Variants in FRY observed in about 807,000 individuals in gnomAD.
FRY encodes FRY microtubule binding protein.
Under a neutral mutation model 348.4 loss-of-function variants are expected in FRY, and 128 were observed. That is an observed-to-expected ratio of 0.37 (90% confidence interval 0.32 to 0.43). The LOEUF is 0.43. Ranked by LOEUF, FRY falls within the 20% of genes least tolerant of loss-of-function variation. The pLI, the probability that FRY is intolerant of heterozygous loss-of-function variation, is 1.00. For missense variants in FRY, 2,736 were observed against 3,695.2 expected, an observed-to-expected ratio of 0.74 and a Z score of 6.73; for synonymous variants, 1,370 against 1,374.7, an observed-to-expected ratio of 1.00 and a Z score of 0.08.
chr13:32,239,598 C>A lies in FRY; in HGVS notation c.6517-113C>A. ...CAAGCTAAGTATTTCCTGTAATTAC[C>A]AAAAAGTGTATCAATCTACTTTCCA... is the stretch of plus-strand genomic sequence containing the variant. On this transcript the variant is annotated intron_variant, in intron 45 of 60. Coordinates refer to ENST00000542859, the MANE Select transcript of FRY (RefSeq NM_023037.3). This position sits in a 1 kb window ranked among gnomAD's most constrained non-coding sequence, Gnocchi z 4.3. 1 of 790,682 alleles carries A rather than the reference C, an allele frequency of 1.3e-6. No individual in the cohort carries two copies. Among genetic ancestry groups the A allele is most frequent in the East Asian group, 2.6e-5 (1 of 37,780 alleles). 49.0% of individuals were successfully genotyped at this position (790,682 alleles called of 1,614,324 possible).
chr13:32,127,876 C>T (rs1278956136), intron 7 of FRY, among the ~76,000 whole-genome samples: 1 of 152,064 alleles, frequency 6.6e-6, no homozygotes, highest in Non-Finnish European at 1.5e-5. Context: ...GTGAATTATG[C>T]AAATAACTTC....
intron 11 of FRY, among the ~76,000 whole-genome samples, chr13:32,142,882 A>G (rs1880165656): frequency 6.6e-6 from 1 of 152,204 alleles, no homozygotes; most frequent in African/African-American, 2.4e-5. Flanking sequence ...GAAACATTCA[A>G]GTAAAGGATG....
At chr13:32,260,746 G>A (rs1442397203) in intron 51 of FRY, among the ~76,000 whole-genome samples, 1 of 151,846 alleles carries the variant, frequency 6.6e-6, no homozygotes, top group Non-Finnish European at 1.5e-5. Flanking sequence ...ATGGAACCCA[G>A]AAGGTGGAGG....
intron 21 of FRY, 108 bp downstream of exon 21, chr13:32,178,544 C>T (rs1882506599): frequency 1.6e-6 from 2 of 1,226,162 alleles, no homozygotes; most frequent in Non-Finnish European, 2.3e-6. Flanking sequence ...TTCTGAACTT[C>T]CTACTAGAGA....
In FRY at chr13:32,209,750, T is replaced by C; in HGVS notation, c.4422+19T>C. ...ACCCTATGTAAGTGTCTCTCAGCCC[T>C]TCAAGAGTGATTATTCCTGCAGGGA... On this transcript the variant is annotated intron_variant, in intron 33 of 60. Coordinates refer to ENST00000542859, the MANE Select transcript of FRY (RefSeq NM_023037.3). The C allele has an allele frequency of 6.2e-7, 1 of 1,613,188 alleles. No individual in the cohort carries two copies.
intron 50 of FRY, among the ~76,000 whole-genome samples, chr13:32,252,864 G>A (rs1269728082): frequency 6.6e-6 from 1 of 152,036 alleles, no homozygotes; most frequent in Non-Finnish European, 1.5e-5. Context: ...CTTTTTTGGT[G>A]TTATTGATCA....
Position 32,185,158 on chromosome 13 carries a change from T to C in FRY, c.3319+10T>C. The C allele has an allele frequency of 6.2e-7, 1 of 1,612,336 alleles. No homozygotes were observed. The highest frequency in any genetic ancestry group is 8.5e-7 in the Non-Finnish European group (1 of 1,178,450). ...ATTCAGTGTGTTCCAGGTACGGTGA[T>C]CCGTTACAAGAAATTACCATTCATG... On this transcript the variant is annotated intron_variant, in intron 26 of 60. Transcript: ENST00000542859.
intron 51 of FRY, among the ~76,000 whole-genome samples, chr13:32,257,393 A>T (rs148580541): frequency 2.0e-5 from 3 of 152,258 alleles, no homozygotes; most frequent in Admixed American, 6.5e-5. Flanking sequence ...TCATTTTGTC[A>T]TATCTATTCC....
intron 14 of FRY, among the ~76,000 whole-genome samples, chr13:32,155,135 A>G (rs916843791): frequency 4.6e-5 from 7 of 152,126 alleles, no homozygotes; most frequent in African/African-American, 1.7e-4. Flanking sequence ...CCCTTCTTCC[A>G]GGAGACGTAT....
In FRY at chr13:32,295,437, A is replaced by G. The variant is rs375402563; in HGVS notation, c.9019A>G (p.Ser3007Gly). ...RVLTTFLPDS[S>G]VSGTSL ...CCTCACTACTTTTCTTCCAGACTCC[A>G]GTGTTTCTGGCACTAGTCTCTGACA... The change falls in exon 61 of 61, where the codon AGT becomes GGT. Residue 3007 changes from serine to glycine, a missense_variant. By Grantham distance (56) the Ser-to-Gly change is moderately conservative (BLOSUM62 0). Transcript: ENST00000542859. 7.4e-6 allele frequency: 12 copies of G among 1,611,490 alleles called. No homozygotes were observed. The highest frequency in any genetic ancestry group is 1.0e-5 in the Non-Finnish European group (12 of 1,179,978).
chr13:32,244,256 C>CA, intron 47 of FRY, 74 bp downstream of exon 47: 1 of 1,386,102 alleles, frequency 7.2e-7, no homozygotes, highest in Non-Finnish European at 1.0e-6. Context: ...AGCTTGGCTA[C>CA]AAAACCATCT....
At chr13:32,083,157 T>C (rs1875610636) in intron 2 of FRY, among the ~76,000 whole-genome samples, 1 of 152,204 alleles carries the variant, frequency 6.6e-6, no homozygotes, top group African/African-American at 2.4e-5. Flanking sequence ...TTCTGCATTC[T>C]GAGTAGTTTT....
rs190966921 is a variant in FRY at position 32,208,692 on chromosome 13, C to T, written c.4019-161C>T. ...AGATGTGGAGCAACAAGCTTGCAGA[C>T]AAGCCTTGGTTTTATCATTCTGTGG... is the stretch of plus-strand genomic sequence containing the variant. On this transcript the variant is annotated intron_variant, in intron 31 of 60. Coordinates refer to ENST00000542859, the MANE Select transcript of FRY (RefSeq NM_023037.3). 1.3e-3 allele frequency among the ~76,000 whole-genome samples: 201 copies of T among 152,360 alleles called. 2 individuals carry two copies. Among genetic ancestry groups the T allele is most frequent in the Non-Finnish European group, 2.0e-3 (138 of 68,044 alleles).
intron 1 of FRY, among the ~76,000 whole-genome samples, chr13:32,036,974 C>T (rs1872540732): frequency 6.6e-6 from 1 of 151,936 alleles, no homozygotes; most frequent in Admixed American, 6.6e-5. Context: ...CTTCTTCACC[C>T]TCTCTCCTTC....
At chr13:32,252,405 T>G (rs775008308) in intron 50 of FRY, among the ~76,000 whole-genome samples, 2 of 152,174 alleles carry the variant, frequency 1.3e-5, no homozygotes, top group Non-Finnish European at 2.9e-5. Flanking sequence ...GCATATAAAC[T>G]TCCACTGATG....
At chr13:32,153,041 A>T (rs1219737930) in intron 14 of FRY, among the ~76,000 whole-genome samples, 1 of 152,190 alleles carries the variant, frequency 6.6e-6, no homozygotes, top group Non-Finnish European at 1.5e-5. Flanking sequence ...TCAATTTAAA[A>T]CCGAAACGAG....
chr13:32,124,149 G>GT, intron 4 of FRY, 137 bp from the exon 5 acceptor site: 1 of 669,214 alleles, frequency 1.5e-6, no homozygotes, highest in East Asian at 2.8e-5. Context: ...ACGTTAGCAT[G>GT]TATCTACCAG....
chr13:32,130,020 T>G (rs995050096), intron 7 of FRY, among the ~76,000 whole-genome samples: 4 of 151,968 alleles, frequency 2.6e-5, no homozygotes, highest in Admixed American at 2.6e-4. Flanking sequence ...TTAGTTCACC[T>G]TTCATTTCTA....
intron 1 of FRY, among the ~76,000 whole-genome samples, chr13:32,041,778 G>A (rs1302202483): frequency 3.3e-5 from 5 of 152,158 alleles, no homozygotes; most frequent in Non-Finnish European, 5.9e-5. Context: ...AGATGTTTTT[G>A]TGTCTTGCCT....
Sources: allele counts gnomAD v4.1 joint callset (sites outside exome capture counted in the v4.1 genomes callset), GRCh38; gene constraint gnomAD v4.1.1; non-coding constraint Gnocchi (gnomAD v3.1); transcripts MANE v1.5; gene names NCBI Gene and HGNC (gene_info 2026-07-23, HGNC 2026-07-21).